Variants in HS3ST4 observed in about 807,000 individuals in gnomAD.
HS3ST4 encodes the protein heparan sulfate-glucosamine 3-sulfotransferase 4, also known as heparan sulfate glucosamine 3-O-sulfotransferase 4.
A neutral mutation model predicts 29.2 loss-of-function variants in HS3ST4; 17 were observed. The ratio of observed to expected loss-of-function variants is 0.58; its 90% confidence interval spans 0.40 to 0.87. The LOEUF is 0.87. Ranked by LOEUF, HS3ST4 falls within the 40% of genes least tolerant of loss-of-function variation. The probability of loss-of-function intolerance (pLI) is 0.00; values close to 1 mark genes in which losing one functional copy is unlikely to be tolerated. For missense variants in HS3ST4, 627 were observed against 634.5 expected, an observed-to-expected ratio of 0.99 and a Z score of 0.13; for synonymous variants, 314 against 285.7, an observed-to-expected ratio of 1.10 and a Z score of -1.00.
At chr16:26,007,082 A>G (rs927143706) in intron 1 of HS3ST4, among the ~76,000 whole-genome samples, 1 of 152,170 alleles carries the variant, frequency 6.6e-6, no homozygotes, top group Non-Finnish European at 1.5e-5. Flanking sequence ...TAGCTTGGAG[A>G]TTTCATATGC....
intron 1 of HS3ST4, among the ~76,000 whole-genome samples, chr16:25,753,469 G>T (rs866727002): frequency 2.6e-5 from 4 of 152,156 alleles, no homozygotes; most frequent in Non-Finnish European, 5.9e-5. Flanking sequence ...TGTTTAGTTT[G>T]TGCGAGATAC....
chr16:26,010,323 G>A (rs1046890563), intron 1 of HS3ST4, among the ~76,000 whole-genome samples: 7 of 152,172 alleles, frequency 4.6e-5, no homozygotes, highest in African/African-American at 7.2e-5. Flanking sequence ...GTACAGTGGC[G>A]TGCTCCTGTA....
At chr16:26,061,866 A>G (rs1275208279) in intron 1 of HS3ST4, among the ~76,000 whole-genome samples, 1 of 152,204 alleles carries the variant, frequency 6.6e-6, no homozygotes, top group Non-Finnish European at 1.5e-5. Flanking sequence ...TTCAAGTTCC[A>G]TAGGGAAAAG....
chr16:25,952,022 G>A (rs984135220), intron 1 of HS3ST4, among the ~76,000 whole-genome samples: 2 of 151,962 alleles, frequency 1.3e-5, no homozygotes, highest in African/African-American at 4.8e-5. Flanking sequence ...ATAATATTTT[G>A]TAGTACATGA....
chr16:25,882,895 G>C (rs2054670148), intron 1 of HS3ST4, among the ~76,000 whole-genome samples: 1 of 152,162 alleles, frequency 6.6e-6, no homozygotes, highest in African/African-American at 2.4e-5. Flanking sequence ...AGGGGACCCA[G>C]CTTCTTCCTC....
chr16:26,060,652 G>A (rs1898464516), intron 1 of HS3ST4, among the ~76,000 whole-genome samples: 1 of 152,116 alleles, frequency 6.6e-6, no homozygotes, highest in Admixed American at 6.5e-5. Context: ...AGATAGCCAA[G>A]GTCATCTGAA....
intron 1 of HS3ST4, among the ~76,000 whole-genome samples, chr16:26,046,758 A>G (rs1396554439): frequency 1.3e-5 from 2 of 152,130 alleles, no homozygotes; most frequent in Non-Finnish European, 2.9e-5. Context: ...TAAACATTAC[A>G]CAATACTTAC....
At chr16:26,042,372 G>GTGTGTT (rs1969643406) in intron 1 of HS3ST4, among the ~76,000 whole-genome samples, 2 of 151,992 alleles carry the variant, frequency 1.3e-5, no homozygotes, top group Admixed American at 1.3e-4. Context: ...GTGTGTGTGT[G>GTGTGTT]TGTGTGTGTG....
intron 1 of HS3ST4, among the ~76,000 whole-genome samples, chr16:26,108,337 T>G (rs1899083903): frequency 6.6e-6 from 1 of 152,214 alleles, no homozygotes; most frequent in Non-Finnish European, 1.5e-5. Context: ...TAACTCTTCT[T>G]GCTAAGATGG....
intron 1 of HS3ST4, among the ~76,000 whole-genome samples, chr16:25,933,725 C>T (rs1968487749): frequency 6.6e-6 from 1 of 152,118 alleles, no homozygotes; most frequent in East Asian, 1.9e-4. Flanking sequence ...TCCGGTGAGG[C>T]TTCAGGAAGC....
chr16:25,833,619 T>A (rs1460876768), intron 1 of HS3ST4, among the ~76,000 whole-genome samples: 1 of 152,198 alleles, frequency 6.6e-6, no homozygotes, highest in Non-Finnish European at 1.5e-5. Flanking sequence ...TTGCAACATA[T>A]ACTTCTGTGA....
chr16:26,090,616 C>T (rs901438891), intron 1 of HS3ST4, among the ~76,000 whole-genome samples: 3 of 151,992 alleles, frequency 2.0e-5, no homozygotes, highest in African/African-American at 7.3e-5. Context: ...CACTGCCACA[C>T]AGCAGCCCTC....
intron 1 of HS3ST4, among the ~76,000 whole-genome samples, chr16:25,775,184 C>T (rs997257850): frequency 7.2e-5 from 11 of 152,120 alleles, no homozygotes; most frequent in South Asian, 6.2e-4. Context: ...TTTGATGTGT[C>T]GGAGGATGGT....
intron 1 of HS3ST4, among the ~76,000 whole-genome samples, chr16:25,786,634 T>C (rs1281938735): frequency 2.0e-5 from 3 of 152,236 alleles, no homozygotes; most frequent in Admixed American, 1.3e-4. Context: ...AATGTGATCT[T>C]GTTCTCTGTA....
At chr16:25,877,759 G>A (rs748200473) in intron 1 of HS3ST4, among the ~76,000 whole-genome samples, 3 of 152,138 alleles carry the variant, frequency 2.0e-5, no homozygotes, top group Non-Finnish European at 4.4e-5. Flanking sequence ...AGCAGCTCTA[G>A]GAAACAGATA....
intron 1 of HS3ST4, among the ~76,000 whole-genome samples, chr16:26,036,373 C>G (rs139874758): frequency 5.6e-4 from 86 of 152,264 alleles, no homozygotes; most frequent in Middle Eastern, 6.8e-3. Flanking sequence ...GTGAATAATG[C>G]CTTCTAGAAC....
Position 25,828,181 on chromosome 16 carries a change from T to C in HS3ST4, c.734+135030T>C, listed in dbSNP as rs1252365388. Among the ~76,000 whole-genome samples, 5 of 147,296 alleles carry C rather than the reference T, an allele frequency of 3.4e-5. No individual in the cohort carries two copies. The East Asian group carries it at 1.1e-3, about 31-fold the overall frequency. On this transcript the variant is annotated intron_variant, in intron 1 of 1. Transcript: ENST00000331351. The stretch of plus-strand genomic sequence containing the variant: ...CCTTTCCTTCCTTTCTCTCTCTCTT[T>C]CTCTTTCTTTCTTTTCTTTCTTTCT...
intron 1 of HS3ST4, among the ~76,000 whole-genome samples, chr16:25,917,394 G>A (rs1466913381): frequency 2.0e-5 from 3 of 152,038 alleles, no homozygotes; most frequent in African/African-American, 7.2e-5. Flanking sequence ...TGTATTTTTA[G>A]TAGAGATGGG....
intron 1 of HS3ST4, among the ~76,000 whole-genome samples, chr16:25,998,096 CAAAA>C (rs1255336295): frequency 6.6e-6 from 1 of 151,930 alleles, no homozygotes; most frequent in East Asian, 1.9e-4. Flanking sequence ...AACAAACAAA[CAAAA>C]ACACCTTAAA....
Sources: allele counts gnomAD v4.1 joint callset (sites outside exome capture counted in the v4.1 genomes callset), GRCh38; gene constraint gnomAD v4.1.1; transcripts MANE v1.5; gene names NCBI Gene and HGNC (gene_info 2026-07-23, HGNC 2026-07-21).